The following ZFP28 variants were observed in gnomAD, a reference collection of about 807,000 sequenced individuals.
The protein encoded by ZFP28 is ZFP28 zinc finger protein.
ZFP28 carries 31 observed loss-of-function variants against 39.5 expected under a neutral mutation model. The ratio of observed to expected loss-of-function variants is 0.79; its 90% CI spans 0.59 to 1.06. The LOEUF (loss-of-function observed/expected upper bound fraction) is 1.06, where lower values mean the gene tolerates loss of function less well. Among genes scored for constraint, ZFP28 ranks in the 50% least tolerant of loss-of-function variants. The probability of loss-of-function intolerance (pLI) is 0.00; values close to 1 mark genes in which losing one functional copy is unlikely to be tolerated. For synonymous variants in ZFP28, 400 were observed against 378.6 expected, an observed-to-expected ratio of 1.06 and a Z score of -0.66; for missense variants, 925 against 1,048.4, an observed-to-expected ratio of 0.88 and a Z score of 1.63.
chr19:56,538,859 GCGCGGCCGGGGGCGGGGCGGCTC>G (rs1375239632), upstream of ZFP28: 9 of 354,230 alleles, frequency 2.5e-5, no homozygotes, highest in Non-Finnish European at 3.8e-5. Context: ...GAGGGGCGGG[GCGCGGCCGGGGGCGGGGCGGCTC>G]CGCGGCGCGG....
At chr19:56,551,113 G>T (rs2044297998) in intron 7 of ZFP28, 1 of 1,027,472 alleles carries the variant, frequency 9.7e-7, no homozygotes, top group South Asian at 3.8e-5. Context: ...CTTGCATGAA[G>T]TAGAGTTTGC....
chr19:56,550,835 A>G (rs776897592), intron 7 of ZFP28: 36 of 1,474,576 alleles, frequency 2.4e-5, no homozygotes, highest in Middle Eastern at 3.8e-4. Flanking sequence ...GGCCACTGGG[A>G]CGTGTATCAT....
At chr19:56,538,911 A>G (rs568602029), upstream of ZFP28, 29,056 of 929,628 alleles carry the variant, frequency 0.031, 861 homozygotes, top group Non-Finnish European at 0.035. Context: ...ATGCCGGGCC[A>G]TGGGGGAGCG....
chr19:56,550,401 G>A (rs1021839285), intron 6 of ZFP28, 109 bp from the exon 7 acceptor site: 1 of 1,035,138 alleles, frequency 9.7e-7, no homozygotes, highest in Non-Finnish European at 1.4e-6. Context: ...CTACTCACCT[G>A]TTTTTCTGTT....
At chr19:56,540,090 A>G in intron 2 of ZFP28, among the ~76,000 whole-genome samples, 1 of 152,226 alleles carries the variant, frequency 6.6e-6, no homozygotes, top group East Asian at 1.9e-4. Context: ...CCAATAGCTA[A>G]GCCCTAGTCC....
In ZFP28 at chr19:56,550,524, A is replaced by C; in HGVS notation, c.817A>C (p.Lys273Gln). Residue 273 changes from lysine (K) to glutamine (Q), a missense_variant, in exon 7 of 8, where the codon AAG becomes CAG. Lys to Gln is a moderately conservative substitution (Grantham distance 53). Transcript: ENST00000301318. ...CACTTTTTCAGGACATTGTGTGGCT[A>C]AGCCAGATTTAGTCTCTTTACTAGA... is the stretch of plus-strand genomic sequence containing the variant. ...DLGSAGHCVAKPDLVSLLEQE... is the reference protein window; with the variant it reads ...DLGSAGHCVAQPDLVSLLEQE... 6.2e-7 allele frequency: 1 copy of C among 1,614,034 alleles called. No homozygotes were observed. Among genetic ancestry groups the C allele is most frequent in the Non-Finnish European group, 8.5e-7 (1 of 1,179,994 alleles).
At chr19:56,539,901 GCTT>G (rs1263403168) in intron 2 of ZFP28, among the ~76,000 whole-genome samples, 185 bp downstream of exon 2, 1 of 152,220 alleles carries the variant, frequency 6.6e-6, no homozygotes, top group Non-Finnish European at 1.5e-5. Context: ...CTCGATGCCT[GCTT>G]CTTCTTCATC....
chr19:56,549,052 A>C lies in ZFP28; in HGVS notation c.618A>C (p.Thr206=), dbSNP rs766699255. The change falls in exon 5 of 8, where the codon ACA becomes ACC. Residue 206 remains threonine, a synonymous_variant. Coordinates refer to ENST00000301318, the MANE Select transcript of ZFP28 (RefSeq NM_020828.2). ...AGGCAGTGATAACAGAGAGACTCAC[A>C]AGCTATAATCTGGAGTACTCTCTGT... The part of the protein sequence containing the change: ...LSQAVITERL[T]SYNLEYSLLG... The C allele has an allele frequency of 6.2e-7, 1 of 1,614,162 alleles. No homozygotes were observed. The highest frequency in any genetic ancestry group is 8.5e-7 in the Non-Finnish European group (1 of 1,180,024).
rs1306655722 is a variant in ZFP28, at chr19:56,539,051, G to A, written c.33G>A (p.Glu11=). ...GGGCGGCGAGCGCGAGTGTCCGCGAGCCGACGCCGCTCCCGGGTAGAGGCG... is the reference window on the plus strand; with the variant it reads ...GGGCGGCGAGCGCGAGTGTCCGCGAACCGACGCCGCTCCCGGGTAGAGGCG... MRGAASASVR[E]PTPLPGRGAP... Residue 11 remains glutamate, a synonymous_variant, in exon 1 of 8, where the codon GAG becomes GAA. Transcript: ENST00000301318. The A allele has an allele frequency of 2.0e-6, 3 of 1,497,318 alleles. No individual in the cohort carries two copies. The South Asian group carries it at 3.7e-5, about 18-fold the overall frequency. 92.8% of individuals were successfully genotyped at this position (1,497,318 alleles called of 1,614,324 possible).
At chr19:56,551,928 A>G in intron 7 of ZFP28, 3 of 982,162 alleles carry the variant, frequency 3.1e-6, no homozygotes, top group Non-Finnish European at 3.6e-6. Flanking sequence ...ATATGGCAAT[A>G]AGAGTTTTAA....
At chr19:56,549,686 A>AG (rs1309293703) in intron 5 of ZFP28, among the ~76,000 whole-genome samples, 1 of 152,118 alleles carries the variant, frequency 6.6e-6, no homozygotes, top group Non-Finnish European at 1.5e-5. Flanking sequence ...CAAAAAAAAA[A>AG]AGCTTTGAGC....
Position 56,553,984 on chromosome 19 carries a change from A to C in ZFP28, c.1199A>C (p.Asn400Thr). 3.1e-6 allele frequency: 5 copies of C among 1,611,276 alleles called. No homozygotes were observed. Among genetic ancestry groups the C allele is most frequent in the Non-Finnish European group, 4.2e-6 (5 of 1,179,358 alleles). The part of the protein sequence containing the change: ...EKVHNRDSIK[N>T]FQKSSVVIKQ... ...GTTCATAATCGTGATTCAATTAAAAATTTTCAAAAAAGTTCAGTGGTAATA... is the reference window on the plus strand; with the variant it reads ...GTTCATAATCGTGATTCAATTAAAACTTTTCAAAAAAGTTCAGTGGTAATA... Residue 400 changes from asparagine (N) to threonine (T), a missense_variant, in exon 8 of 8, where the codon AAT becomes ACT. Coordinates refer to ENST00000301318, the MANE Select transcript of ZFP28 (RefSeq NM_020828.2).
At chr19:56,551,563 G>T in intron 7 of ZFP28, 2 of 985,082 alleles carry the variant, frequency 2.0e-6, no homozygotes, top group Non-Finnish European at 2.4e-6. Context: ...TACACATTTT[G>T]GGGATTGCTG....
chr19:56,542,139 A>G (rs1448070568), intron 2 of ZFP28, among the ~76,000 whole-genome samples: 2 of 151,882 alleles, frequency 1.3e-5, no homozygotes, highest in African/African-American at 4.8e-5. Context: ...CTCAGTGGAC[A>G]CAGGTTTTCC....
rs942946878 is a variant in ZFP28 at position 56,554,631 on chromosome 19, C to G, written c.1846C>G (p.Pro616Ala). Reference protein sequence around the residue: ...SHLRIHTGEKPFECAECGKSF... With the variant: ...SHLRIHTGEKAFECAECGKSF... ...TTTAAGGATTCATACTGGGGAGAAGCCTTTTGAATGTGCGGAGTGTGGAAA... is the reference window on the plus strand; with the variant it reads ...TTTAAGGATTCATACTGGGGAGAAGGCTTTTGAATGTGCGGAGTGTGGAAA... The change falls in exon 8 of 8, where the codon CCT becomes GCT. Residue 616 changes from proline to alanine, a missense_variant. Transcript: ENST00000301318. This position sits in a 1 kb window ranked among gnomAD's most constrained non-coding sequence, Gnocchi z 6.7. 6.2e-7 allele frequency: 1 copy of G among 1,613,206 alleles called. No homozygotes were observed. Among genetic ancestry groups the G allele is most frequent in the Non-Finnish European group, 8.5e-7 (1 of 1,179,360 alleles).
In ZFP28 at chr19:56,555,479, T is replaced by C; in HGVS notation, c.*87T>C. On this transcript the variant is annotated 3_prime_UTR_variant, in exon 8 of 8. Transcript: ENST00000301318. ...TTGTTTTCTTTTTGTCCCTTATTAG[T>C]TAGTTCTTCACATAAGTGTAAATGT... 10 of 1,362,762 alleles carry C rather than the reference T, an allele frequency of 7.3e-6. No homozygotes were observed. The highest frequency in any genetic ancestry group is 2.4e-5 in the East Asian group (1 of 41,566). The allele number at this position is 1,362,762 out of a possible 1,614,324, so 84.4% of individuals were successfully genotyped here.
chr19:56,537,862 C>T (rs964893924), upstream of ZFP28: 3 of 152,332 alleles, frequency 2.0e-5, no homozygotes, highest in African/African-American at 7.2e-5. Flanking sequence ...AGGCCCTTGG[C>T]TCCCAGGATG....
At chr19:56,550,802 TC>T in intron 7 of ZFP28, 197 bp downstream of exon 7, 1 of 1,504,760 alleles carries the variant, frequency 6.6e-7, no homozygotes, top group Non-Finnish European at 8.8e-7. Context: ...AACTGCCATT[TC>T]CCTGAAGTTC....
Position 56,547,390 on chromosome 19 carries a change from G to T in ZFP28, c.301-118G>T. 1.4e-6 allele frequency: 2 copies of T among 1,433,656 alleles called. No individual in the cohort carries two copies. The highest frequency in any genetic ancestry group is 1.9e-6 in the Non-Finnish European group (2 of 1,039,702). 88.8% of individuals were successfully genotyped at this position (1,433,656 alleles called of 1,614,324 possible). A position where few individuals can be genotyped will look rare whatever the true frequency, so the allele number is the denominator to read the frequency against. Reference sequence around the variant, plus strand: ...AATACAGTCACATTCAAAAGTACTGGGGATTAGGAGTTTAATGTAGGAGTT... The same window carrying T: ...AATACAGTCACATTCAAAAGTACTGTGGATTAGGAGTTTAATGTAGGAGTT... On this transcript the variant is annotated intron_variant, in intron 2 of 7. Coordinates refer to ENST00000301318, the MANE Select transcript of ZFP28 (RefSeq NM_020828.2). This position sits in a 1 kb window ranked among gnomAD's most constrained non-coding sequence, Gnocchi z 4.6.
Sources: gnomAD v4.1 joint callset for allele counts (sites outside exome capture counted in the v4.1 genomes callset) on GRCh38, gnomAD v4.1.1 for gene constraint, Gnocchi (gnomAD v3.1) non-coding constraint, MANE v1.5 for transcripts, NCBI Gene and HGNC (gene_info 2026-07-23, HGNC 2026-07-21) for gene names.